DLG2: variants seen among roughly 807,000 people sequenced by gnomAD.
DLG2 encodes the protein discs large MAGUK scaffold protein 2.
A neutral mutation model predicts 132.5 loss-of-function variants in DLG2; 45 were observed. That is an observed-to-expected ratio of 0.34 (90% CI 0.27 to 0.44). DLG2 has a LOEUF of 0.44. Ranked by LOEUF, DLG2 falls within the 20% of genes least tolerant of loss-of-function variation. The pLI is 1.00. For missense variants in DLG2, 1,045 were observed against 1,196.9 expected, an observed-to-expected ratio of 0.87 and a Z score of 1.87; for synonymous variants, 424 against 419.6, an observed-to-expected ratio of 1.01 and a Z score of -0.13.
chr11:84,851,369 C>A (rs2082144073), intron 6 of DLG2, among the ~76,000 whole-genome samples: 1 of 151,952 alleles, frequency 6.6e-6, no homozygotes, highest in South Asian at 2.1e-4. Flanking sequence ...GAGTATATGA[C>A]CTGTAATACA....
At chr11:83,565,689 G>T (rs953533553) in intron 19 of DLG2, among the ~76,000 whole-genome samples, 5 of 152,168 alleles carry the variant, frequency 3.3e-5, no homozygotes, top group African/African-American at 9.7e-5. Context: ...TACAAGAAGG[G>T]TATATGATAT....
chr11:84,316,141 G>A (rs2098352058), intron 7 of DLG2, among the ~76,000 whole-genome samples: 1 of 152,130 alleles, frequency 6.6e-6, no homozygotes, highest in Non-Finnish European at 1.5e-5. Flanking sequence ...TCAAATTAAA[G>A]GTATCTGCAC....
intron 7 of DLG2, among the ~76,000 whole-genome samples, chr11:84,360,398 C>T (rs2098642809): frequency 6.6e-6 from 1 of 151,938 alleles, no homozygotes; most frequent in African/African-American, 2.4e-5. Flanking sequence ...AATCTCACAT[C>T]CTCCCAAATT....
intron 18 of DLG2, among the ~76,000 whole-genome samples, chr11:83,685,155 G>A (rs182956657): frequency 6.6e-6 from 1 of 152,258 alleles, no homozygotes; most frequent in African/African-American, 2.4e-5. Flanking sequence ...GGCTAGAAAG[G>A]TTAGGTAACT....
At chr11:85,023,038 A>G (rs2060216930) in intron 6 of DLG2, among the ~76,000 whole-genome samples, 1 of 152,108 alleles carries the variant, frequency 6.6e-6, no homozygotes, top group Non-Finnish European at 1.5e-5. Flanking sequence ...CATCAAATTT[A>G]AAGAAAACCA....
At chr11:84,393,602 G>A (rs1433882986) in intron 7 of DLG2, among the ~76,000 whole-genome samples, 1 of 152,000 alleles carries the variant, frequency 6.6e-6, no homozygotes, top group Non-Finnish European at 1.5e-5. Flanking sequence ...TGTAGCAGTA[G>A]TTTCAATAAT....
chr11:84,883,742 A>C (rs2087752434), intron 6 of DLG2, among the ~76,000 whole-genome samples: 1 of 152,092 alleles, frequency 6.6e-6, no homozygotes, highest in Admixed American at 6.6e-5. Flanking sequence ...AATTTAAATG[A>C]GTTTTTATCA....
intron 6 of DLG2, among the ~76,000 whole-genome samples, chr11:84,974,570 A>G (rs1213557905): frequency 6.6e-6 from 1 of 152,220 alleles, no homozygotes; most frequent in Admixed American, 6.5e-5. Flanking sequence ...AATAAATGGA[A>G]GAGAAAACTT....
At chr11:84,421,610 A>G (rs563614723) in intron 7 of DLG2, among the ~76,000 whole-genome samples, 1 of 152,310 alleles carries the variant, frequency 6.6e-6, no homozygotes, top group African/African-American at 2.4e-5. Flanking sequence ...ATCTGATCTT[A>G]TCAACCTCTC....
At chr11:84,086,281 T>C (rs774066963) in intron 10 of DLG2, among the ~76,000 whole-genome samples, 1 of 152,146 alleles carries the variant, frequency 6.6e-6, no homozygotes. Flanking sequence ...AAAAATTTCT[T>C]AGATTTGTAA....
At chr11:85,195,219 G>A (rs1000213876) in intron 4 of DLG2, among the ~76,000 whole-genome samples, 7 of 152,200 alleles carry the variant, frequency 4.6e-5, no homozygotes, top group Non-Finnish European at 8.8e-5. Flanking sequence ...AATCTAGTTA[G>A]CGGAGGCAAA....
intron 6 of DLG2, among the ~76,000 whole-genome samples, chr11:84,969,202 G>A (rs902981296): frequency 3.9e-5 from 6 of 152,088 alleles, no homozygotes; most frequent in African/African-American, 1.2e-4. Context: ...TCCTTAGGGA[G>A]CACCGTCAAG....
chr11:83,906,243 T>TCG (rs2074806214), intron 15 of DLG2, among the ~76,000 whole-genome samples: 1 of 96,264 alleles, frequency 1.0e-5, no homozygotes, highest in Non-Finnish European at 2.2e-5. Context: ...TCTCTCTCTC[T>TCG]CTCTCTCTCT....
chr11:83,993,506 C>T (rs573929947), intron 11 of DLG2, among the ~76,000 whole-genome samples: 2 of 152,246 alleles, frequency 1.3e-5, no homozygotes, highest in South Asian at 2.1e-4. Context: ...AATTACATTT[C>T]TTTACTCAAA....
chr11:84,534,733 T>C lies in DLG2; in HGVS notation c.358-2A>G. 1 of 1,613,928 alleles carries C rather than the reference T, an allele frequency of 6.2e-7. No homozygotes were observed. The highest frequency in any genetic ancestry group is 8.5e-7 in the Non-Finnish European group (1 of 1,179,822). ...GTCCTCATCTTGATATCGATACTTC[T>C]AGGAGAAAAGAAAAGAAAGGACAAG... On this transcript the variant is annotated splice_acceptor_variant, in intron 6 of 27. Transcript: ENST00000376104. LOFTEE classifies it high-confidence loss of function.
chr11:85,556,224 A>G (rs964184451), intron 3 of DLG2, among the ~76,000 whole-genome samples: 1 of 151,848 alleles, frequency 6.6e-6, no homozygotes, highest in Non-Finnish European at 1.5e-5. Context: ...GTTATATAAA[A>G]TCTTATTATG....
At chr11:84,923,609 C>T (rs1194850856) in intron 6 of DLG2, 2 of 990,482 alleles carry the variant, frequency 2.0e-6, no homozygotes, top group Non-Finnish European at 2.4e-6. Flanking sequence ...ACCCTTCTTC[C>T]TTTGGAGGTT....
chr11:84,671,181 C>T (rs1451046654), intron 6 of DLG2, among the ~76,000 whole-genome samples: 1 of 151,876 alleles, frequency 6.6e-6, no homozygotes, highest in Non-Finnish European at 1.5e-5. Context: ...TGCAGCCTGC[C>T]TTGACCTCCC....
intron 4 of DLG2, among the ~76,000 whole-genome samples, chr11:85,265,921 C>T (rs1205444696): frequency 6.6e-6 from 1 of 152,204 alleles, no homozygotes; most frequent in Non-Finnish European, 1.5e-5. Flanking sequence ...AAATTCTCCC[C>T]ATTCACCATC....
Sources: allele counts gnomAD v4.1 joint callset (sites outside exome capture counted in the v4.1 genomes callset), GRCh38; gene constraint gnomAD v4.1.1; transcripts MANE v1.5; gene names NCBI Gene and HGNC (gene_info 2026-07-23, HGNC 2026-07-21).